ERN1: variants seen among roughly 807,000 people sequenced by gnomAD.
ERN1 encodes the protein serine/threonine-protein kinase/endoribonuclease IRE1.
A neutral mutation model predicts 113.1 loss-of-function variants in ERN1; 39 were observed. That is an observed-to-expected ratio of 0.34 (90% CI 0.27 to 0.45). ERN1 has a LOEUF of 0.45. Among genes scored for constraint, ERN1 ranks in the 20% least tolerant of loss-of-function variants. The pLI, the probability that ERN1 is intolerant of heterozygous loss-of-function variation, is 1.00. For synonymous variants in ERN1, 507 were observed against 515.9 expected (o/e 0.98, Z 0.23); for missense variants, 976 against 1,274.8 (o/e 0.77, Z 3.57).
At chr17:64,074,825 C>T (rs1013456473) in intron 5 of ERN1, among the ~76,000 whole-genome samples, 2 of 152,256 alleles carry the variant, frequency 1.3e-5, no homozygotes, top group Non-Finnish European at 2.9e-5. Flanking sequence ...CTATAATTAA[C>T]AGGCAGAGCC....
chr17:64,080,896 C>T, intron 2 of ERN1, 88 bp from the exon 3 acceptor site: 1 of 1,344,006 alleles, frequency 7.4e-7, no homozygotes, highest in South Asian at 1.3e-5. Context: ...CCAAGTTGTA[C>T]CGGTAATAAC....
chr17:64,118,270 G>T (rs1914864450), intron 1 of ERN1, among the ~76,000 whole-genome samples: 1 of 152,164 alleles, frequency 6.6e-6, no homozygotes, highest in Non-Finnish European at 1.5e-5. Context: ...CAGCTAGCTA[G>T]TACAGAACCT....
intron 4 of ERN1, among the ~76,000 whole-genome samples, chr17:64,075,587 C>A (rs1284601048): frequency 1.3e-5 from 2 of 152,180 alleles, no homozygotes; most frequent in Non-Finnish European, 2.9e-5. Context: ...CATGTTGCCA[C>A]TACACCCAGC....
At chr17:64,067,211 A>G (rs563792282) in intron 7 of ERN1, among the ~76,000 whole-genome samples, 1 of 152,144 alleles carries the variant, frequency 6.6e-6, no homozygotes, top group African/African-American at 2.4e-5. Context: ...TCAATAAGTG[A>G]GAGTAAATAC....
chr17:64,079,964 C>T (rs541399463), intron 3 of ERN1, among the ~76,000 whole-genome samples: 60 of 152,210 alleles, frequency 3.9e-4, no homozygotes, highest in Non-Finnish European at 7.6e-4. Flanking sequence ...AGAAAAGCGG[C>T]CTGAAAGGAA....
At chr17:64,051,661 T>C (rs912801990) in intron 17 of ERN1, among the ~76,000 whole-genome samples, 8 of 152,158 alleles carry the variant, frequency 5.3e-5, no homozygotes, top group African/African-American at 1.9e-4. Context: ...AACTTCAACA[T>C]GGAACAAAAT....
intron 2 of ERN1, among the ~76,000 whole-genome samples, chr17:64,087,529 C>G (rs1245588000): frequency 3.3e-5 from 5 of 152,122 alleles, no homozygotes; most frequent in African/African-American, 1.2e-4. Context: ...TTAAGTGTAC[C>G]TCTAGCAGTG....
chr17:64,128,314 C>T (rs571977730), intron 1 of ERN1, among the ~76,000 whole-genome samples: 24 of 152,056 alleles, frequency 1.6e-4, no homozygotes, highest in African/African-American at 5.8e-4. Context: ...CCCGGCCTGA[C>T]CTTTCACCTA....
chr17:64,052,194 AT>A (rs1326908122), intron 17 of ERN1, among the ~76,000 whole-genome samples: 34 of 152,180 alleles, frequency 2.2e-4, no homozygotes, highest in Admixed American at 1.6e-3. Flanking sequence ...CTTCTAAAAA[AT>A]TTTTTTCTTT....
intron 5 of ERN1, among the ~76,000 whole-genome samples, chr17:64,072,504 C>A (rs188777961): frequency 6.6e-6 from 1 of 152,224 alleles, no homozygotes; most frequent in Non-Finnish European, 1.5e-5. Flanking sequence ...TCCCTAATAA[C>A]CATCATTCAC....
rs1913023758 is a variant in ERN1 at position 64,060,602 on chromosome 17, A to G, written c.1088-15T>C. Reference sequence around the variant, plus strand: ...TTCATGGTGTCCTATGACAGGAAACAAAACCTTTAGTGAGAACAATTTCCC... The same window carrying G: ...TTCATGGTGTCCTATGACAGGAAACGAAACCTTTAGTGAGAACAATTTCCC... On this transcript the variant is annotated splice_polypyrimidine_tract_variant and intron_variant, in intron 10 of 21. Coordinates refer to ENST00000433197, the MANE Select transcript of ERN1 (RefSeq NM_001433.5). 4 of 1,581,192 alleles carry G rather than the reference A, an allele frequency of 2.5e-6. No homozygotes were observed. Among genetic ancestry groups the G allele is most frequent in the Non-Finnish European group, 3.5e-6 (4 of 1,149,888 alleles).
rs1912366999 is a variant in ERN1, at chr17:64,042,346, G to A, written c.*1642C>T. 1 of 152,216 alleles carries A rather than the reference G, an allele frequency of 6.6e-6. No individual in the cohort carries two copies. Among genetic ancestry groups the A allele is most frequent in the Admixed American group, 6.5e-5 (1 of 15,278 alleles). 9.4% of individuals were successfully genotyped at this position (152,216 alleles called of 1,614,324 possible). On this transcript the variant is annotated 3_prime_UTR_variant, in exon 22 of 22. Transcript: ENST00000433197. ...AATAGTAGGGAAAAAAGTCACTTTA[G>A]CTATGATGAAAGGAAGGGAACTGAA... is the stretch of plus-strand genomic sequence containing the variant.
At chr17:64,051,232 G>A (rs958611950) in intron 17 of ERN1, among the ~76,000 whole-genome samples, 4 of 151,882 alleles carry the variant, frequency 2.6e-5, no homozygotes, top group African/African-American at 7.3e-5. Flanking sequence ...TAACAATGTA[G>A]AAGAATTTCT....
intron 1 of ERN1, among the ~76,000 whole-genome samples, chr17:64,109,549 C>T (rs1914618936): frequency 1.3e-5 from 2 of 152,220 alleles, no homozygotes; most frequent in Admixed American, 6.5e-5. Context: ...TACCACCTTC[C>T]TCTCTCCAAT....
chr17:64,119,676 G>A (rs1220658679), intron 1 of ERN1, among the ~76,000 whole-genome samples: 1 of 151,940 alleles, frequency 6.6e-6, no homozygotes, highest in Non-Finnish European at 1.5e-5. Flanking sequence ...ACAGGCATGA[G>A]CCACCACGCC....
At chr17:64,116,654 AACACAC>A (rs149334208) in intron 1 of ERN1, among the ~76,000 whole-genome samples, 1 of 149,674 alleles carries the variant, frequency 6.7e-6, no homozygotes, top group Non-Finnish European at 1.5e-5. Flanking sequence ...AAAAAAAAAT[AACACAC>A]ACACACACAC....
chr17:64,123,766 A>G (rs1412299431), intron 1 of ERN1, among the ~76,000 whole-genome samples: 1 of 152,190 alleles, frequency 6.6e-6, no homozygotes, highest in African/African-American at 2.4e-5. Flanking sequence ...GAAAATAAAA[A>G]CATATCTGTG....
chr17:64,130,111 C>T lies in ERN1; in HGVS notation c.-82G>A. 2 of 1,220,928 alleles carry T rather than the reference C, an allele frequency of 1.6e-6. No individual in the cohort carries two copies. The highest frequency in any genetic ancestry group is 2.1e-6 in the Non-Finnish European group (2 of 959,980). 75.6% of individuals were successfully genotyped at this position (1,220,928 alleles called of 1,614,324 possible). A position where few individuals can be genotyped will look rare whatever the true frequency, so the allele number is the denominator to read the frequency against. On this transcript the variant is annotated 5_prime_UTR_variant, in exon 1 of 22. Coordinates refer to ENST00000433197, the MANE Select transcript of ERN1 (RefSeq NM_001433.5). The surrounding 1 kb of genome is among the most constrained non-coding windows in gnomAD (Gnocchi z 4.0). ...GCCGCGACGACAGCGAGGCGGTGAC[C>T]GAGCCTCAGCGGACGCAGAACTGAC...
intron 1 of ERN1, among the ~76,000 whole-genome samples, chr17:64,119,693 T>C (rs956209327): frequency 1.3e-5 from 2 of 151,900 alleles, no homozygotes; most frequent in Admixed American, 6.6e-5. Context: ...CGCCTAGAAC[T>C]AGAAATAAAG....
Sources: gnomAD v4.1 joint callset for allele counts (sites outside exome capture counted in the v4.1 genomes callset) on GRCh38, gnomAD v4.1.1 for gene constraint, Gnocchi (gnomAD v3.1) non-coding constraint, MANE v1.5 for transcripts, NCBI Gene and HGNC (gene_info 2026-07-23, HGNC 2026-07-21) for gene names.